Variants in CTNNA3 observed in about 807,000 individuals in gnomAD.
CTNNA3 encodes catenin alpha 3, also known as catenin alpha-3.
CTNNA3 carries 76 observed loss-of-function variants against 95.7 expected under a neutral mutation model. The ratio of observed to expected loss-of-function variants is 0.79; its 90% CI spans 0.66 to 0.96. The LOEUF (loss-of-function observed/expected upper bound fraction) is 0.96. Among genes scored for constraint, CTNNA3 ranks in the 40% least tolerant of loss-of-function variants. The pLI is 0.00. For synonymous variants in CTNNA3, 431 were observed against 374.4 expected, an observed-to-expected ratio of 1.15 and a Z score of -1.74; for missense variants, 1,191 against 1,089.8, an observed-to-expected ratio of 1.09 and a Z score of -1.31.
chr10:67,507,824 C>T (rs561325902), intron 5 of CTNNA3, among the ~76,000 whole-genome samples: 4 of 152,210 alleles, frequency 2.6e-5, no homozygotes, highest in African/African-American at 9.6e-5. Context: ...AACTCCTCAA[C>T]AAAATACTAA....
intron 14 of CTNNA3, chr10:66,098,710 G>C (rs2081497672): frequency 6.6e-6 from 1 of 152,104 alleles, no homozygotes; most frequent in South Asian, 2.1e-4. Context: ...AGCATGAACA[G>C]AATAAACAAT....
At chr10:66,382,477 T>G (rs2092849156) in intron 11 of CTNNA3, among the ~76,000 whole-genome samples, 1 of 152,106 alleles carries the variant, frequency 6.6e-6, no homozygotes. Flanking sequence ...CTACTGCCTC[T>G]AGACTCCATC....
chr10:65,948,236 A>G (rs1243034100), intron 17 of CTNNA3, among the ~76,000 whole-genome samples: 3 of 148,006 alleles, frequency 2.0e-5, no homozygotes, highest in Admixed American at 6.8e-5. Context: ...AGCCGAGATC[A>G]TGCCACTGCA....
At chr10:66,777,507 G>C (rs1448643727) in intron 7 of CTNNA3, among the ~76,000 whole-genome samples, 1 of 152,000 alleles carries the variant, frequency 6.6e-6, no homozygotes, top group African/African-American at 2.4e-5. Context: ...GAAAGTTGTG[G>C]CTACCTTCAC....
At chr10:66,433,603 C>T (rs2093314960) in intron 11 of CTNNA3, among the ~76,000 whole-genome samples, 1 of 152,120 alleles carries the variant, frequency 6.6e-6, no homozygotes, top group Non-Finnish European at 1.5e-5. Context: ...TGCCTGTTTC[C>T]TCTGATGGTA....
At chr10:66,535,740 T>C (rs975875642) in intron 10 of CTNNA3, among the ~76,000 whole-genome samples, 1 of 152,212 alleles carries the variant, frequency 6.6e-6, no homozygotes, top group African/African-American at 2.4e-5. Context: ...AGTCTGTATT[T>C]CTCCATAGTC....
chr10:66,444,173 G>A (rs145648444), intron 11 of CTNNA3, among the ~76,000 whole-genome samples: 5,624 of 152,252 alleles, frequency 0.037, 343 homozygotes, highest in African/African-American at 0.13. Flanking sequence ...ATGGGACTAT[G>A]TGAAAAGACC....
chr10:65,925,667 C>A (rs1294514759), intron 17 of CTNNA3, among the ~76,000 whole-genome samples: 1 of 152,180 alleles, frequency 6.6e-6, no homozygotes, highest in Non-Finnish European at 1.5e-5. Flanking sequence ...CAACTCCTGA[C>A]CTCAGGTCAT....
chr10:67,096,991 G>A (rs1858030716), intron 7 of CTNNA3, among the ~76,000 whole-genome samples: 2 of 151,884 alleles, frequency 1.3e-5, no homozygotes. Flanking sequence ...GGCTTGTCTA[G>A]ATAATTCTCT....
At chr10:67,406,197 T>C (rs1341522038) in intron 5 of CTNNA3, among the ~76,000 whole-genome samples, 2 of 152,206 alleles carry the variant, frequency 1.3e-5, no homozygotes, top group East Asian at 3.8e-4. Flanking sequence ...TCCCCAGCCA[T>C]GTGGAACTGT....
At chr10:67,418,973 T>C (rs952647494) in intron 5 of CTNNA3, among the ~76,000 whole-genome samples, 28 of 145,262 alleles carry the variant, frequency 1.9e-4, no homozygotes, top group Non-Finnish European at 7.4e-5. Context: ...ATATACATAA[T>C]GTTTATTTGT....
intron 1 of CTNNA3, among the ~76,000 whole-genome samples, chr10:67,711,534 T>A (rs1487584098): frequency 6.6e-6 from 1 of 152,134 alleles, no homozygotes; most frequent in Non-Finnish European, 1.5e-5. Flanking sequence ...AACTTTGAAC[T>A]TGAGAGAGAT....
At chr10:66,214,905 A>G (rs906203322) in intron 13 of CTNNA3, among the ~76,000 whole-genome samples, 170 of 152,242 alleles carry the variant, frequency 1.1e-3, no homozygotes, top group African/African-American at 4.0e-3. Context: ...TCTCAACCCA[A>G]TTCCCTATGG....
At chr10:66,928,020 G>A in intron 7 of CTNNA3, 1 of 1,614,132 alleles carries the variant, frequency 6.2e-7, no homozygotes, top group South Asian at 1.1e-5. Context: ...CTACAGAGAG[G>A]TTTGATCTGG....
Position 66,857,396 on chromosome 10 carries a change from T to G in CTNNA3, c.1048-81872A>C, listed in dbSNP as rs996940981. Among the ~76,000 whole-genome samples, 78 of 152,026 alleles carry G rather than the reference T, an allele frequency of 5.1e-4. 1 individual carries two copies. The highest frequency in any genetic ancestry group is 1.8e-3 in the African/African-American group (73 of 41,524). The stretch of plus-strand genomic sequence containing the variant: ...CCTTGGCTATTTGGACTAATTTTTT[T>G]TTTTTGTTCCACATGAACTTTAAAA... On this transcript the variant is annotated intron_variant, in intron 7 of 17. Transcript: ENST00000433211.
intron 2 of CTNNA3, among the ~76,000 whole-genome samples, chr10:67,642,709 TCTGTCTCAAAAAAAAAAAGTTCAACATCA>T (rs1839577887): frequency 6.8e-6 from 1 of 146,126 alleles, no homozygotes; most frequent in Non-Finnish European, 1.5e-5. Flanking sequence ...AGAGCAAGAC[TCTGTCTCAAAAAAAAAAAGTTCAACATCA>T]CTGATCATCG....
At chr10:67,516,215 A>G (rs780075458) in intron 5 of CTNNA3, among the ~76,000 whole-genome samples, 4 of 152,150 alleles carry the variant, frequency 2.6e-5, no homozygotes, top group Non-Finnish European at 5.9e-5. Flanking sequence ...AAATATATTT[A>G]CAATTCCATT....
intron 13 of CTNNA3, among the ~76,000 whole-genome samples, chr10:66,163,629 G>A: frequency 6.6e-6 from 1 of 152,034 alleles, no homozygotes; most frequent in Non-Finnish European, 1.5e-5. Context: ...GGGATTGCTG[G>A]TTTGTTCTTG....
intron 7 of CTNNA3, among the ~76,000 whole-genome samples, chr10:66,956,421 C>T (rs1430564255): frequency 6.6e-6 from 1 of 151,986 alleles, no homozygotes; most frequent in Non-Finnish European, 1.5e-5. Context: ...GTAAAACCAA[C>T]TGATATCCAG....
Sources: allele counts gnomAD v4.1 joint callset (sites outside exome capture counted in the v4.1 genomes callset), GRCh38; gene constraint gnomAD v4.1.1; transcripts MANE v1.5; gene names NCBI Gene and HGNC (gene_info 2026-07-23, HGNC 2026-07-21).